Variants in MID1 observed in about 807,000 individuals in gnomAD.
MID1 encodes the protein E3 ubiquitin-protein ligase Midline-1.
A neutral mutation model predicts 40.4 loss-of-function variants in MID1; 7 were observed. That is an observed-to-expected ratio of 0.17 (90% confidence interval 0.10 to 0.33). The LOEUF is 0.33. Among genes scored for constraint, MID1 ranks in the 10% least tolerant of loss-of-function variants. MID1 has a pLI of 1.00. For missense variants in MID1, 367 were observed against 558.5 expected (o/e 0.66, Z 3.46); for synonymous variants, 229 against 221.2 (o/e 1.04, Z -0.31).
chrX:10,536,313 A>G (rs1399886220), intron 2 of MID1, among the ~76,000 whole-genome samples: 2 of 112,109 alleles, frequency 1.8e-5, no homozygotes, highest in East Asian at 5.6e-4. Context: ...AAAAAAATAG[A>G]TTTTCTAGAA....
intron 2 of MID1, among the ~76,000 whole-genome samples, chrX:10,550,911 G>A (rs924518868): frequency 1.8e-5 from 2 of 111,075 alleles, no homozygotes; most frequent in African/African-American, 6.5e-5. Flanking sequence ...TCTCAAAGTG[G>A]AATTAAACTC....
At chrX:10,683,510 C>G (rs1364065180) in intron 1 of MID1, among the ~76,000 whole-genome samples, 1 of 110,621 alleles carries the variant, frequency 9.0e-6, no homozygotes, top group East Asian at 2.8e-4. Flanking sequence ...CTGCTGCACT[C>G]TAGCCCGGGC....
At chrX:10,523,870 A>G (rs1009932518) in intron 2 of MID1, among the ~76,000 whole-genome samples, 3 of 111,953 alleles carry the variant, frequency 2.7e-5, no homozygotes, top group African/African-American at 9.7e-5. Flanking sequence ...TATAACTACT[A>G]TTTACATAGT....
chrX:10,715,132 G>A (rs186212683), intron 1 of MID1, among the ~76,000 whole-genome samples: 4 of 112,291 alleles, frequency 3.6e-5, no homozygotes, highest in Non-Finnish European at 5.6e-5. Flanking sequence ...CGCAGAAGAC[G>A]AATGATTTCT....
rs767731015 is a variant in MID1, at chrX:10,465,433, G to A, written c.1285+4264C>T. Among the ~76,000 whole-genome samples, 3 of 108,294 alleles carry A rather than the reference G, an allele frequency of 2.8e-5. No homozygotes were observed. In the East Asian group the frequency reaches 8.7e-4, roughly 31 times the overall value. 94.0% of individuals were successfully genotyped at this position (108,294 alleles called of 115,157 possible). The stretch of plus-strand genomic sequence containing the variant: ...ACCTGTCATCTGCTTCTAACCAACA[G>A]AATATGGCAAAGGACAAAGGTCTAT... On this transcript the variant is annotated intron_variant, in intron 7 of 9. Transcript: ENST00000317552.
At chrX:10,769,331 T>C (rs1170304425) in intron 1 of MID1, among the ~76,000 whole-genome samples, 1 of 110,951 alleles carries the variant, frequency 9.0e-6, no homozygotes, top group African/African-American at 3.3e-5. Context: ...GTAGGCTCTC[T>C]ATGTGGCAGT....
At chrX:10,532,171 T>C (rs1358777925) in intron 2 of MID1, among the ~76,000 whole-genome samples, 1 of 111,349 alleles carries the variant, frequency 9.0e-6, no homozygotes, top group Non-Finnish European at 1.9e-5. Context: ...CTCAACACAG[T>C]ACTCTGGGCT....
intron 1 of MID1, among the ~76,000 whole-genome samples, chrX:10,765,997 A>T (rs902115152): frequency 7.3e-5 from 8 of 109,204 alleles, no homozygotes; most frequent in African/African-American, 1.0e-4. Flanking sequence ...GAAAGAAAGA[A>T]AGAAAGAAAG....
chrX:10,785,563 A>C (rs1371201130), intron 1 of MID1, among the ~76,000 whole-genome samples: 48 of 111,548 alleles, frequency 4.3e-4, no homozygotes, highest in Non-Finnish European at 8.7e-4. Flanking sequence ...CTGACTTCAA[A>C]CTATACTACA....
At chrX:10,770,877 G>T (rs756830722) in intron 1 of MID1, among the ~76,000 whole-genome samples, 6 of 111,140 alleles carry the variant, frequency 5.4e-5, no homozygotes, top group African/African-American at 1.3e-4. Flanking sequence ...AGGCTGAGGC[G>T]GGTGGATCAC....
intron 1 of MID1, among the ~76,000 whole-genome samples, chrX:10,726,006 C>G (rs1236438126): frequency 1.8e-5 from 2 of 112,445 alleles, no homozygotes; most frequent in Non-Finnish European, 3.8e-5. Context: ...ACCTAAGCCT[C>G]CTCAATTCTA....
At chrX:10,485,038 G>A (rs1167350802) in intron 4 of MID1, among the ~76,000 whole-genome samples, 1 of 112,017 alleles carries the variant, frequency 8.9e-6, no homozygotes, top group Non-Finnish European at 1.9e-5. Context: ...GCTGTGATCT[G>A]TGGGCCAAAT....
intron 1 of MID1, among the ~76,000 whole-genome samples, chrX:10,652,061 T>C (rs893566138): frequency 2.7e-5 from 3 of 112,509 alleles, no homozygotes; most frequent in Admixed American, 9.4e-5. Context: ...TGTTAATTCA[T>C]ATTGAACTTA....
At chrX:10,574,985 A>T (rs1208104086) in intron 1 of MID1, among the ~76,000 whole-genome samples, 2 of 112,729 alleles carry the variant, frequency 1.8e-5, no homozygotes, top group Non-Finnish European at 3.7e-5. Flanking sequence ...GATGACAAAC[A>T]CACTGTTAAA....
intron 1 of MID1, among the ~76,000 whole-genome samples, chrX:10,617,527 C>A (rs1256611026): frequency 2.7e-5 from 3 of 112,187 alleles, no homozygotes; most frequent in South Asian, 3.7e-4. Context: ...ACATCATGCA[C>A]CTTCTTCCCT....
At chrX:10,669,358 T>A (rs1306321730) in intron 1 of MID1, among the ~76,000 whole-genome samples, 2 of 111,271 alleles carry the variant, frequency 1.8e-5, no homozygotes, top group Non-Finnish European at 3.8e-5. Context: ...GCATTGCCAT[T>A]AAGCTTGCAT....
chrX:10,720,082 C>A (rs1281474115), intron 1 of MID1, among the ~76,000 whole-genome samples: 4 of 111,657 alleles, frequency 3.6e-5, no homozygotes, highest in Non-Finnish European at 5.7e-5. Context: ...TTAGACCTAA[C>A]ACCATAAAAA....
intron 1 of MID1, among the ~76,000 whole-genome samples, chrX:10,720,825 T>C (rs2043346867): frequency 9.1e-6 from 1 of 109,762 alleles, no homozygotes; most frequent in Non-Finnish European, 1.9e-5. Flanking sequence ...TAGACTGGAT[T>C]AAGAAAATGT....
chrX:10,597,895 G>A (rs1935443723), intron 1 of MID1, among the ~76,000 whole-genome samples: 1 of 111,740 alleles, frequency 8.9e-6, no homozygotes, highest in Non-Finnish European at 1.9e-5. Context: ...CCCATGGTCA[G>A]CACATGTGAT....
Sources: gnomAD v4.1 joint callset for allele counts (sites outside exome capture counted in the v4.1 genomes callset) on GRCh38, gnomAD v4.1.1 for gene constraint, MANE v1.5 for transcripts, NCBI Gene and HGNC (gene_info 2026-07-23, HGNC 2026-07-21) for gene names.